SPOCK3: variants seen among roughly 807,000 people sequenced by gnomAD.
SPOCK3 encodes the protein SPARC (osteonectin), cwcv and kazal like domains proteoglycan 3.
A neutral mutation model predicts 56.6 loss-of-function variants in SPOCK3; 30 were observed. The ratio of observed to expected loss-of-function variants is 0.53; its 90% CI spans 0.40 to 0.72. SPOCK3 has a LOEUF of 0.72. Ranked by LOEUF, SPOCK3 falls within the 30% of genes least tolerant of loss-of-function variation. The pLI is 0.00. For missense variants in SPOCK3, 527 were observed against 530.0 expected (o/e 0.99, Z 0.06); for synonymous variants, 196 against 183.3 (o/e 1.07, Z -0.56).
At chr4:166,778,080 G>A (rs1258050296) in intron 7 of SPOCK3, among the ~76,000 whole-genome samples, 3 of 152,024 alleles carry the variant, frequency 2.0e-5, no homozygotes, top group Non-Finnish European at 2.9e-5. Context: ...AGCACCAGAG[G>A]CCTACAAGAC....
At chr4:166,740,694 T>G (rs2126386405) in intron 9 of SPOCK3, among the ~76,000 whole-genome samples, 1 of 152,006 alleles carries the variant, frequency 6.6e-6, no homozygotes, top group Admixed American at 6.6e-5. Flanking sequence ...CCAGGCTAAT[T>G]TTTGTATTTT....
At chr4:167,029,793 T>G (rs1479354953) in intron 3 of SPOCK3, among the ~76,000 whole-genome samples, 1 of 152,090 alleles carries the variant, frequency 6.6e-6, no homozygotes, top group South Asian at 2.1e-4. Flanking sequence ...TATTTTATAT[T>G]CCTCTTTCAA....
At chr4:166,969,744 A>T (rs1023035385) in intron 4 of SPOCK3, among the ~76,000 whole-genome samples, 8 of 152,146 alleles carry the variant, frequency 5.3e-5, no homozygotes, top group African/African-American at 1.9e-4. Flanking sequence ...TCAAGTAGTC[A>T]TTTATAGCAG....
At chr4:166,936,544 G>A (rs1265065548) in intron 4 of SPOCK3, among the ~76,000 whole-genome samples, 1 of 151,952 alleles carries the variant, frequency 6.6e-6, no homozygotes, top group Non-Finnish European at 1.5e-5. Flanking sequence ...TTTAATGTCT[G>A]TAGGATCTCT....
intron 4 of SPOCK3, among the ~76,000 whole-genome samples, chr4:166,928,314 T>C (rs1739348770): frequency 6.6e-6 from 1 of 152,172 alleles, no homozygotes; most frequent in African/African-American, 2.4e-5. Context: ...TCCAAAAACT[T>C]GGAAGCAAGC....
At chr4:166,974,897 GT>G (rs1745775915) in intron 4 of SPOCK3, among the ~76,000 whole-genome samples, 1 of 152,190 alleles carries the variant, frequency 6.6e-6, no homozygotes. Flanking sequence ...TTATTGAAAG[GT>G]TGGGCTTTTC....
intron 6 of SPOCK3, among the ~76,000 whole-genome samples, chr4:166,840,417 T>G (rs538164213): frequency 6.6e-6 from 1 of 152,312 alleles, no homozygotes; most frequent in African/African-American, 2.4e-5. Flanking sequence ...TCTAAAGGTT[T>G]CTCTCTTCCT....
At chr4:166,949,995 AGACC>A (rs1742325296) in intron 4 of SPOCK3, among the ~76,000 whole-genome samples, 1 of 151,140 alleles carries the variant, frequency 6.6e-6, no homozygotes, top group Non-Finnish European at 1.5e-5. Context: ...CAAAATGTAA[AGACC>A]ATCGAGACTA....
At chr4:167,086,006 T>C (rs1481083478) in intron 2 of SPOCK3, among the ~76,000 whole-genome samples, 3 of 152,246 alleles carry the variant, frequency 2.0e-5, no homozygotes, top group East Asian at 1.9e-4. Flanking sequence ...TACTAGGCTA[T>C]GAGAAAGTAA....
At chr4:166,891,837 G>A (rs779464903) in intron 5 of SPOCK3, among the ~76,000 whole-genome samples, 55 of 151,904 alleles carry the variant, frequency 3.6e-4, no homozygotes, top group Non-Finnish European at 7.4e-5. Context: ...ACTGTGAGTG[G>A]TATAGGAGCA....
At chr4:167,071,934 A>G (rs1756728016) in intron 2 of SPOCK3, among the ~76,000 whole-genome samples, 1 of 152,070 alleles carries the variant, frequency 6.6e-6, no homozygotes, top group Non-Finnish European at 1.5e-5. Context: ...GTGAGATGGT[A>G]TCTCATTGTG....
intron 6 of SPOCK3, among the ~76,000 whole-genome samples, chr4:166,844,684 G>A (rs1247043122): frequency 6.6e-6 from 1 of 151,774 alleles, no homozygotes; most frequent in African/African-American, 2.4e-5. Flanking sequence ...ATAGATAGAT[G>A]TAGATATAGA....
chr4:166,858,382 T>C (rs1156238740), intron 6 of SPOCK3, among the ~76,000 whole-genome samples: 1 of 152,204 alleles, frequency 6.6e-6, no homozygotes, highest in African/African-American at 2.4e-5. Flanking sequence ...GTGACTCTTC[T>C]ATTAAGCCCA....
At chr4:167,177,372 A>T (rs1731079629) in intron 2 of SPOCK3, among the ~76,000 whole-genome samples, 1 of 152,092 alleles carries the variant, frequency 6.6e-6, no homozygotes, top group African/African-American at 2.4e-5. Flanking sequence ...CCTTATAAGG[A>T]AGATGCCACT....
chr4:167,122,809 CAT>C lies in SPOCK3; in HGVS notation c.190-60274_190-60273del, dbSNP rs1443672834. ...ATAAAATAAATTTTCGATATTTTCA[CAT>C]GAGTGGTGCTAAAGAACAATAATCA... On this transcript the variant is annotated intron_variant, in intron 2 of 10. Coordinates refer to ENST00000357545, the MANE Select transcript of SPOCK3 (RefSeq NM_001040159.2). Among the ~76,000 whole-genome samples, 20 of 152,232 alleles carry C rather than the reference CAT, an allele frequency of 1.3e-4. No homozygotes were observed. In the Middle Eastern group the frequency reaches 0.01, roughly 78 times the overall value.
intron 6 of SPOCK3, among the ~76,000 whole-genome samples, chr4:166,805,760 T>G (rs1265914722): frequency 6.6e-6 from 1 of 150,870 alleles, no homozygotes; most frequent in Non-Finnish European, 1.5e-5. Context: ...CACTTGGCAA[T>G]CATCTGACAT....
rs371649708 is a variant in SPOCK3, at chr4:166,825,599, C to T, written c.590-33310G>A. Among the ~76,000 whole-genome samples the T allele has an allele frequency of 2.5e-4, 38 of 152,074 alleles. No homozygotes were observed. The East Asian group carries it at 3.3e-3, about 13-fold the overall frequency. ...GACACCTGCACATTCATGTTTATAG[C>T]GGCACAATTCACAATTGCAAAAACA... is the stretch of plus-strand genomic sequence containing the variant. On this transcript the variant is annotated intron_variant, in intron 6 of 10. Coordinates refer to ENST00000357545, the MANE Select transcript of SPOCK3 (RefSeq NM_001040159.2).
At chr4:167,043,151 A>C (rs10002501) in intron 3 of SPOCK3, among the ~76,000 whole-genome samples, 8,239 of 152,014 alleles carry the variant, frequency 0.054, 280 homozygotes, top group Middle Eastern at 0.085. Flanking sequence ...ATAGCTCATT[A>C]TTTCATCAGT....
At chr4:167,228,798 T>TA (rs1212478776) in intron 2 of SPOCK3, among the ~76,000 whole-genome samples, 2 of 152,110 alleles carry the variant, frequency 1.3e-5, no homozygotes, top group Non-Finnish European at 2.9e-5. Context: ...TTGCTTCTCT[T>TA]AAGAGGTCAG....
Sources: allele counts gnomAD v4.1 joint callset (sites outside exome capture counted in the v4.1 genomes callset), GRCh38; gene constraint gnomAD v4.1.1; transcripts MANE v1.5; gene names NCBI Gene and HGNC (gene_info 2026-07-23, HGNC 2026-07-21).